ZNF704: variants seen among roughly 807,000 people sequenced by gnomAD.
ZNF704 encodes the protein glucocorticoid induced gene 1.
A neutral mutation model predicts 44.7 loss-of-function variants in ZNF704; 10 were observed. The ratio of observed to expected loss-of-function variants is 0.22; its 90% CI spans 0.14 to 0.38. The LOEUF (loss-of-function observed/expected upper bound fraction) is 0.38. Among genes scored for constraint, ZNF704 ranks in the 10% least tolerant of loss-of-function variants. ZNF704 has a pLI of 1.00. For synonymous variants in ZNF704, 211 were observed against 207.6 expected, an observed-to-expected ratio of 1.02 and a Z score of -0.14; for missense variants, 390 against 545.5, an observed-to-expected ratio of 0.71 and a Z score of 2.84.
chr8:80,819,190 A>G (rs1214998054), intron 2 of ZNF704, among the ~76,000 whole-genome samples: 1 of 152,168 alleles, frequency 6.6e-6, no homozygotes, highest in Non-Finnish European at 1.5e-5. Context: ...TTAAAACCTA[A>G]TTAACTTTCC....
chr8:80,775,249 G>A (rs927763777), intron 2 of ZNF704, among the ~76,000 whole-genome samples: 4 of 152,310 alleles, frequency 2.6e-5, no homozygotes, highest in Middle Eastern at 3.4e-3. Context: ...TAGATCAACT[G>A]CAAGGAATTT....
intron 2 of ZNF704, among the ~76,000 whole-genome samples, chr8:80,758,025 A>G (rs1807066005): frequency 6.6e-6 from 1 of 152,206 alleles, no homozygotes; most frequent in African/African-American, 2.4e-5. Context: ...CCTATGGCCA[A>G]TTTAACAGAT....
intron 1 of ZNF704, among the ~76,000 whole-genome samples, chr8:80,843,387 A>G (rs1031950929): frequency 3.9e-5 from 6 of 152,240 alleles, no homozygotes; most frequent in Non-Finnish European, 5.9e-5. Flanking sequence ...CTATGTGTTT[A>G]TGAATGCCAA....
chr8:80,811,755 A>C (rs556094090), intron 2 of ZNF704, among the ~76,000 whole-genome samples: 15 of 152,338 alleles, frequency 9.8e-5, no homozygotes, highest in African/African-American at 3.6e-4. Flanking sequence ...CAAGGGGCTT[A>C]ATGCTTTATA....
At chr8:80,867,914 A>C (rs1194085805) in intron 1 of ZNF704, among the ~76,000 whole-genome samples, 1 of 152,216 alleles carries the variant, frequency 6.6e-6, no homozygotes, top group Non-Finnish European at 1.5e-5. Context: ...AATAGTTAAA[A>C]TCTTGGTAGG....
rs890519483 is a variant in ZNF704, at chr8:80,633,044, T to A, written c.*8322A>T. 2.0e-5 allele frequency: 3 copies of A among 152,354 alleles called. No individual in the cohort carries two copies. Among genetic ancestry groups the A allele is most frequent in the African/African-American group, 7.2e-5 (3 of 41,582 alleles). 9.4% of individuals were successfully genotyped at this position (152,354 alleles called of 1,614,324 possible). On this transcript the variant is annotated 3_prime_UTR_variant, in exon 9 of 9. Transcript: ENST00000327835. Reference sequence around the variant, plus strand: ...GTAAATTAACGGGAGAAAGGTAAGATGAAATCCATTCATATATTGGACTGC... The same window carrying A: ...GTAAATTAACGGGAGAAAGGTAAGAAGAAATCCATTCATATATTGGACTGC...
chr8:80,775,455 C>A (rs1455637988), intron 2 of ZNF704, among the ~76,000 whole-genome samples: 3 of 152,110 alleles, frequency 2.0e-5, no homozygotes, highest in Non-Finnish European at 4.4e-5. Flanking sequence ...AGAAGCCATG[C>A]AAAGTGCCTA....
chr8:80,860,175 C>T (rs1204312189), intron 1 of ZNF704, among the ~76,000 whole-genome samples: 1 of 152,200 alleles, frequency 6.6e-6, no homozygotes. Flanking sequence ...TAAACAAGAG[C>T]TTCTTTGTGG....
chr8:80,872,316 T>C (rs1809266121), intron 1 of ZNF704, among the ~76,000 whole-genome samples: 1 of 152,234 alleles, frequency 6.6e-6, no homozygotes, highest in African/African-American at 2.4e-5. Flanking sequence ...CTCCCAGAGC[T>C]GGTACTTCCA....
intron 2 of ZNF704, among the ~76,000 whole-genome samples, chr8:80,782,335 A>G (rs1334200631): frequency 6.6e-6 from 1 of 152,252 alleles, no homozygotes; most frequent in Non-Finnish European, 1.5e-5. Context: ...AAGAGATTCA[A>G]TTATAAAAGC....
intron 2 of ZNF704, among the ~76,000 whole-genome samples, chr8:80,819,104 T>C (rs2129871436): frequency 6.6e-6 from 1 of 152,276 alleles, no homozygotes; most frequent in East Asian, 1.9e-4. Context: ...AAGCCTTAAG[T>C]AGTATTTCCC....
At chr8:80,824,356 G>GT (rs1563566770) in intron 1 of ZNF704, among the ~76,000 whole-genome samples, 1 of 152,170 alleles carries the variant, frequency 6.6e-6, no homozygotes, top group Non-Finnish European at 1.5e-5. Flanking sequence ...ATGAAATGAA[G>GT]TGAGAAGAGA....
At chr8:80,711,188 C>T (rs753295014) in intron 2 of ZNF704, among the ~76,000 whole-genome samples, 7 of 152,192 alleles carry the variant, frequency 4.6e-5, no homozygotes, top group African/African-American at 7.2e-5. Flanking sequence ...GTTTCAACAG[C>T]TCTGTATGTT....
the ZNF704 span, among the ~76,000 whole-genome samples, chr8:80,882,990 C>G: frequency 2.0e-4 from 30 of 148,036 alleles, no homozygotes; most frequent in African/African-American, 6.6e-4. Flanking sequence ...GTAACTCCAG[C>G]ACTTTGGGAG....
intron 2 of ZNF704, among the ~76,000 whole-genome samples, chr8:80,778,987 C>T (rs554844809): frequency 1.4e-3 from 220 of 152,176 alleles, no homozygotes; most frequent in Non-Finnish European, 2.2e-3. Flanking sequence ...CAAATCTGCA[C>T]ATGTACCCCT....
In ZNF704 at chr8:80,637,066, C is replaced by T. The variant is rs1202718044; in HGVS notation, c.*4300G>A. 6.6e-6 allele frequency: 1 copy of T among 151,052 alleles called. No homozygotes were observed. The highest frequency in any genetic ancestry group is 1.9e-4 in the East Asian group (1 of 5,142). The allele number at this position is 151,052 out of a possible 1,614,324, so 9.4% of individuals were successfully genotyped here. A position where few individuals can be genotyped will look rare whatever the true frequency, so the allele number is the denominator to read the frequency against. ...CCCCCACCCCGTCCCCCTCCCCCAC[C>T]CCCAGGCATTGCACCTGTGGTTCAA... On this transcript the variant is annotated 3_prime_UTR_variant, in exon 9 of 9. Transcript: ENST00000327835.
At chr8:80,836,916 C>G (rs1409720376) in intron 1 of ZNF704, among the ~76,000 whole-genome samples, 1 of 152,180 alleles carries the variant, frequency 6.6e-6, no homozygotes, top group East Asian at 1.9e-4. Flanking sequence ...AGCTGCTCCA[C>G]CAGAATATTC....
intron 1 of ZNF704, among the ~76,000 whole-genome samples, chr8:80,846,429 C>CGT (rs1808769078): frequency 6.9e-6 from 1 of 145,816 alleles, no homozygotes; most frequent in Middle Eastern, 3.3e-3. Context: ...CACACACACA[C>CGT]GTTAATTCTT....
intron 1 of ZNF704, among the ~76,000 whole-genome samples, chr8:80,836,346 C>A (rs1808582625): frequency 6.6e-6 from 1 of 152,186 alleles, no homozygotes; most frequent in African/African-American, 2.4e-5. Flanking sequence ...CAGATACCCA[C>A]ATTGCTTGCT....
Sources: allele counts gnomAD v4.1 joint callset (sites outside exome capture counted in the v4.1 genomes callset), GRCh38; gene constraint gnomAD v4.1.1; transcripts MANE v1.5; gene names NCBI Gene and HGNC (gene_info 2026-07-23, HGNC 2026-07-21).